The following TNRC18 variants were observed in gnomAD, a reference collection of about 807,000 sequenced individuals.
TNRC18 encodes the protein trinucleotide repeat-containing gene 18 protein.
In TNRC18, 69 loss-of-function variants were observed where a neutral mutation model predicts 226.7. That is an observed-to-expected ratio of 0.30 (90% confidence interval 0.25 to 0.37). The LOEUF is 0.37. Ranked by LOEUF, TNRC18 falls within the 10% of genes least tolerant of loss-of-function variation. The pLI is 1.00. For synonymous variants in TNRC18, 2,449 were observed against 1,927.6 expected (o/e 1.27, Z -7.09); for missense variants, 4,754 against 4,256.6 (o/e 1.12, Z -3.25).
chr7:5,379,623 G>T (rs1233807786), intron 5 of TNRC18, among the ~76,000 whole-genome samples: 3 of 152,136 alleles, frequency 2.0e-5, no homozygotes, highest in African/African-American at 7.2e-5. Flanking sequence ...GGCCCTCCTG[G>T]TACCTCCTTG....
Position 5,312,645 on chromosome 7 carries a change from G to A in TNRC18, c.8246C>T (p.Pro2749Leu). 1 of 1,609,390 alleles carries A rather than the reference G, an allele frequency of 6.2e-7. No homozygotes were observed. Among genetic ancestry groups the A allele is most frequent in the Non-Finnish European group, 8.5e-7 (1 of 1,178,874 alleles). Residue 2749 changes from proline (P) to leucine (L), a missense_variant, in exon 27 of 30, where the codon CCC becomes CTC. By Grantham distance (98) the Pro-to-Leu change is moderately conservative. Transcript: ENST00000430969. This position sits in a 1 kb window ranked among gnomAD's most constrained non-coding sequence, Gnocchi z 6.3. ...PKAQAGAKSRPKKREGVHLPT... is the reference protein window; with the variant it reads ...PKAQAGAKSRLKKREGVHLPT... ...GAGGTGGACGCCCTCTCTCTTCTTG[G>A]GTCGGCTCTTGGCCCCGGCCTGAGC...
chr7:5,389,130 C>T lies in TNRC18; in HGVS notation c.694G>A (p.Ala232Thr). ...TCCACCACGCCCCGTGGCCCCGAGG[C>T]CTCCTCGCCCCGGGCGCGCGGGTCC... ...KKDPRARGEEASGPRGVVDLT... is the reference protein window; with the variant it reads ...KKDPRARGEETSGPRGVVDLT... Residue 232 changes from alanine (A) to threonine (T), a missense_variant, in exon 5 of 30, where the codon GCC becomes ACC. Transcript: ENST00000430969. The T allele has an allele frequency of 7.6e-7, 1 of 1,317,856 alleles. No individual in the cohort carries two copies. The highest frequency in any genetic ancestry group is 9.7e-7 in the Non-Finnish European group (1 of 1,033,666). 81.6% of individuals were successfully genotyped at this position (1,317,856 alleles called of 1,614,324 possible).
chr7:5,361,841 G>C, intron 13 of TNRC18, 56 bp downstream of exon 13: 1 of 1,509,352 alleles, frequency 6.6e-7, no homozygotes, highest in Non-Finnish European at 8.9e-7. Context: ...CTGCGCGCCT[G>C]GGGGCCTGGT....
At chr7:5,360,736 G>A (rs1025885451) in intron 14 of TNRC18, among the ~76,000 whole-genome samples, 4 of 152,140 alleles carry the variant, frequency 2.6e-5, no homozygotes, top group African/African-American at 7.2e-5. Flanking sequence ...TGCGGCTGGT[G>A]AGGGAGATTT....
In TNRC18 at chr7:5,312,348, A is replaced by T. The variant is rs553225506; in HGVS notation, c.8388+155T>A. Among the ~76,000 whole-genome samples, 1 of 152,156 alleles carries T rather than the reference A, an allele frequency of 6.6e-6. No individual in the cohort carries two copies. The highest frequency in any genetic ancestry group is 6.5e-5 in the Admixed American group (1 of 15,290). On this transcript the variant is annotated intron_variant, in intron 27 of 29. Transcript: ENST00000430969. The surrounding 1 kb of genome is among the most constrained non-coding windows in gnomAD (Gnocchi z 6.3). ...CCCAGGTGCCTGAGGACACTCTGAGACTCAGTGTACCCATCCATAAAGTGG... is the reference window on the plus strand; with the variant it reads ...CCCAGGTGCCTGAGGACACTCTGAGTCTCAGTGTACCCATCCATAAAGTGG...
chr7:5,405,439 C>G (rs753612101), intron 2 of TNRC18, among the ~76,000 whole-genome samples: 3 of 151,940 alleles, frequency 2.0e-5, no homozygotes, highest in African/African-American at 7.2e-5. Flanking sequence ...TGTGGTGGTG[C>G]GCACCTGTAA....
chr7:5,383,422 C>T (rs1389770763), intron 5 of TNRC18, among the ~76,000 whole-genome samples: 2 of 152,158 alleles, frequency 1.3e-5, no homozygotes, highest in African/African-American at 2.4e-5. Flanking sequence ...GAGAGAGAGG[C>T]GTTTATAACG....
chr7:5,402,829 C>T (rs755657880), intron 2 of TNRC18, among the ~76,000 whole-genome samples: 79 of 151,340 alleles, frequency 5.2e-4, no homozygotes, highest in Non-Finnish European at 1.1e-3. Flanking sequence ...ACTCAAGCCT[C>T]GGCGACAGAG....
At chr7:5,364,785 C>T (rs1011940894) in intron 11 of TNRC18, among the ~76,000 whole-genome samples, 5 of 127,278 alleles carry the variant, frequency 3.9e-5, no homozygotes, top group South Asian at 2.4e-4. Context: ...GCCTGGGCAA[C>T]AGAGGGAGGC....
At chr7:5,402,280 TC>T (rs1244760629) in intron 2 of TNRC18, among the ~76,000 whole-genome samples, 2 of 149,796 alleles carry the variant, frequency 1.3e-5, no homozygotes, top group African/African-American at 2.5e-5. Flanking sequence ...ATGCCTGTAA[TC>T]CCAGCACTTT....
chr7:5,331,678 T>C (rs1789537030), intron 19 of TNRC18, among the ~76,000 whole-genome samples: 1 of 152,104 alleles, frequency 6.6e-6, no homozygotes, highest in Admixed American at 6.5e-5. Flanking sequence ...TCTCAACACT[T>C]TGAGAGGCTG....
At position 5,421,122 on chromosome 7, in the gene TNRC18, C is replaced by G. The variant is rs1782557993; in HGVS notation, c.125G>C (p.Gly42Ala). The part of the protein sequence containing the change: ...AATAGRLPAS[G>A]LPGPLPPGKY... ...CCCGGGCGGCAGCGGGCCGGGCAAG[C>G]CCGAGGCGGGCAAGCGTCCGGCAGT... is the stretch of plus-strand genomic sequence containing the variant. Residue 42 changes from glycine (G) to alanine (A), a missense_variant, in exon 2 of 30, where the codon GGC becomes GCC. Gly to Ala is a moderately conservative substitution (Grantham distance 60, BLOSUM62 0). Coordinates refer to ENST00000430969, the MANE Select transcript of TNRC18 (RefSeq NM_001080495.3). 1 of 1,460,756 alleles carries G rather than the reference C, an allele frequency of 6.8e-7. No individual in the cohort carries two copies. Among genetic ancestry groups the G allele is most frequent in the Non-Finnish European group, 9.1e-7 (1 of 1,099,516 alleles). 90.5% of individuals were successfully genotyped at this position (1,460,756 alleles called of 1,614,324 possible).
intron 25 of TNRC18, 122 bp downstream of exon 25, chr7:5,315,834 G>A (rs550065640): frequency 5.8e-5 from 40 of 691,804 alleles, no homozygotes; most frequent in African/African-American, 5.4e-4. Flanking sequence ...CATGGCTTCT[G>A]CTGCTTCCAT....
rs1788205527 is a variant in TNRC18 at position 5,320,188 on chromosome 7, C to T, written c.6745+130G>A. On this transcript the variant is annotated intron_variant, in intron 24 of 29. Coordinates refer to ENST00000430969, the MANE Select transcript of TNRC18 (RefSeq NM_001080495.3). Reference sequence around the variant, plus strand: ...CCTGGATCCAATCATGCCTGAAGGCCATACAGTTTTCAGTTATGTGAGCCC... The same window carrying T: ...CCTGGATCCAATCATGCCTGAAGGCTATACAGTTTTCAGTTATGTGAGCCC... 4.3e-6 allele frequency: 3 copies of T among 702,730 alleles called. No individual in the cohort carries two copies. The East Asian group carries it at 8.2e-5, about 19-fold the overall frequency. 43.5% of individuals were successfully genotyped at this position (702,730 alleles called of 1,614,324 possible). A position where few individuals can be genotyped will look rare whatever the true frequency, so the allele number is the denominator to read the frequency against.
rs35392221 is a variant in TNRC18, at chr7:5,411,215, C to CA, written c.187+9844dup. ...TGGGCTACAGAGTGAGACTCCATCTCAAAAAAAAAAAAAAAAAAGAAAAAA... is the reference window on the plus strand; with the variant it reads ...TGGGCTACAGAGTGAGACTCCATCTCAAAAAAAAAAAAAAAAAAAGAAAAAA... On this transcript the variant is annotated intron_variant, in intron 2 of 29. Transcript: ENST00000430969. Among the ~76,000 whole-genome samples, 659 of 75,356 alleles carry CA rather than the reference C, an allele frequency of 8.7e-3. 7 individuals are homozygous for CA. Among genetic ancestry groups the CA allele is most frequent in the African/African-American group, 0.019 (364 of 18,940 alleles). The allele number at this position is 75,356 out of a possible 152,430, so 49.4% of individuals were successfully genotyped here. A position where few individuals can be genotyped will look rare whatever the true frequency, so the allele number is the denominator to read the frequency against.
At chr7:5,352,856 G>A (rs979896222) in intron 16 of TNRC18, among the ~76,000 whole-genome samples, 5 of 152,260 alleles carry the variant, frequency 3.3e-5, no homozygotes, top group African/African-American at 1.2e-4. Context: ...GGGCAAGATG[G>A]GAAGACAGGG....
chr7:5,399,667 C>G (rs903421027), intron 2 of TNRC18, among the ~76,000 whole-genome samples: 1 of 152,000 alleles, frequency 6.6e-6, no homozygotes, highest in Admixed American at 6.6e-5. Flanking sequence ...GATCGCGCCA[C>G]TGCACTCCAG....
intron 2 of TNRC18, among the ~76,000 whole-genome samples, chr7:5,401,157 G>A (rs774213306): frequency 1.0e-4 from 15 of 148,216 alleles, no homozygotes; most frequent in Non-Finnish European, 1.6e-4. Flanking sequence ...TCTTCCCTCT[G>A]CAACAGTAGT....
chr7:5,347,462 C>T (rs1034075799), intron 17 of TNRC18, among the ~76,000 whole-genome samples: 1 of 150,700 alleles, frequency 6.6e-6, no homozygotes, highest in Non-Finnish European at 1.5e-5. Flanking sequence ...TCCCAAAGTG[C>T]TGGGATTACA....
Sources: allele counts gnomAD v4.1 joint callset (sites outside exome capture counted in the v4.1 genomes callset), GRCh38; gene constraint gnomAD v4.1.1; non-coding constraint Gnocchi (gnomAD v3.1); transcripts MANE v1.5; gene names NCBI Gene and HGNC (gene_info 2026-07-23, HGNC 2026-07-21).